The following ZNF716 variants were observed in gnomAD, a reference collection of about 807,000 sequenced individuals.
ZNF716 encodes the protein zinc finger protein 716.
Under a neutral mutation model 13.4 loss-of-function variants are expected in ZNF716, and 9 were observed. That is an observed-to-expected ratio of 0.67 (90% CI 0.41 to 1.18). The LOEUF is 1.18. Ranked by LOEUF, ZNF716 falls within the 50% of genes most tolerant of loss-of-function variation. ZNF716 has a pLI of 0.01. For synonymous variants in ZNF716, 186 were observed against 195.2 expected (o/e 0.95, Z 0.39); for missense variants, 581 against 576.6 (o/e 1.01, Z -0.08).
rs192220596 is a variant in ZNF716 at position 57,469,131 on chromosome 7, T to A, written c.670T>A (p.Cys224Ser). 6.2e-7 allele frequency: 1 copy of A among 1,609,942 alleles called. No homozygotes were observed. The highest frequency in any genetic ancestry group is 1.3e-5 in the African/African-American group (1 of 74,798). ...KCEECGKSFN[C>S]SSTLTRHKRI... The stretch of plus-strand genomic sequence containing the variant: ...TGAAGAATGTGGCAAATCCTTTAAC[T>A]GCTCTTCAACCCTTACTAGACATAA... Residue 224 changes from cysteine to serine, a missense_variant, in exon 4 of 4, where the codon TGC (cysteine) becomes AGC (serine). Cys to Ser is a moderately radical substitution (Grantham distance 112). Coordinates refer to ENST00000420713, the MANE Select transcript of ZNF716 (RefSeq NM_001159279.1).
Position 57,472,392 on chromosome 7 carries a change from C to T in ZNF716, c.*2443C>T, listed in dbSNP as rs139732952. On this transcript the variant is annotated 3_prime_UTR_variant, in exon 4 of 4. Transcript: ENST00000420713. ...TATCGTGTCTCATCTTAAGGTTCTG[C>T]GTAAAAGATGGTGACAATATACTAT... The T allele has an allele frequency of 6.6e-5, 10 of 152,178 alleles. No homozygotes were observed. Among genetic ancestry groups the T allele is most frequent in the Admixed American group, 2.6e-4 (4 of 15,258 alleles). 9.4% of individuals were successfully genotyped at this position (152,178 alleles called of 1,614,324 possible). A position where few individuals can be genotyped will look rare whatever the true frequency, so the allele number is the denominator to read the frequency against.
Position 57,469,598 on chromosome 7 carries a change from C to A in ZNF716, c.1137C>A (p.Pro379=), listed in dbSNP as rs547681926. 1.9e-6 allele frequency: 3 copies of A among 1,612,862 alleles called. No individual in the cohort carries two copies. Among genetic ancestry groups the A allele is most frequent in the Middle Eastern group, 1.7e-4 (1 of 6,052 alleles). The stretch of plus-strand genomic sequence containing the variant: ...AGAGGATTCATACTGGAGAGAAACC[C>A]TACACTTGTGAAGAATGTGGCAAAG... ...THKRIHTGEK[P]YTCEECGKAF... is the part of the protein sequence containing the mutation. Residue 379 remains proline (P), a synonymous_variant, in exon 4 of 4, where the codon CCC becomes CCA. Transcript: ENST00000420713.
At chr7:57,460,257 T>C (rs782007486) in intron 1 of ZNF716, among the ~76,000 whole-genome samples, 5 of 151,520 alleles carry the variant, frequency 3.3e-5, no homozygotes, top group African/African-American at 4.9e-5. Context: ...TAGCTGAGAG[T>C]GGTAGCATGC....
At position 57,473,527 on chromosome 7, in the gene ZNF716, A is replaced by AT. The variant is rs57002830; in HGVS notation, c.*3578_*3579insT. The AT allele has an allele frequency of 2.6e-5, 4 of 151,718 alleles. No individual in the cohort carries two copies. Among genetic ancestry groups the AT allele is most frequent in the African/African-American group, 9.7e-5 (4 of 41,374 alleles). The allele number at this position is 151,718 out of a possible 1,614,324, so 9.4% of individuals were successfully genotyped here. ...AGAGCGAGAAACCATCTCAAAAAAA[A>AT]AAATAAATAAATAAAAGATATACCT... On this transcript the variant is annotated 3_prime_UTR_variant, in exon 4 of 4. Coordinates refer to ENST00000420713, the MANE Select transcript of ZNF716 (RefSeq NM_001159279.1).
At chr7:57,454,480 T>C (rs1168212468) in intron 1 of ZNF716, among the ~76,000 whole-genome samples, 1 of 152,220 alleles carries the variant, frequency 6.6e-6, no homozygotes, top group Non-Finnish European at 1.5e-5. Flanking sequence ...AAGGAGATTA[T>C]TGAAGGCCTA....
intron 2 of ZNF716, among the ~76,000 whole-genome samples, chr7:57,462,858 G>A (rs576097953): frequency 6.6e-6 from 1 of 152,098 alleles, no homozygotes; most frequent in South Asian, 2.1e-4. Flanking sequence ...TTAGAATTCA[G>A]TTCCTACCAC....
chr7:57,463,199 A>G, intron 3 of ZNF716, 31 bp downstream of exon 3: 1 of 1,601,680 alleles, frequency 6.2e-7, no homozygotes, highest in Non-Finnish European at 8.5e-7. Context: ...CAGATGACAC[A>G]GATGAGAGTT....
chr7:57,457,422 G>A (rs184727272), intron 1 of ZNF716, among the ~76,000 whole-genome samples: 71 of 152,272 alleles, frequency 4.7e-4, no homozygotes, highest in African/African-American at 1.6e-3. Flanking sequence ...TTGGCTCACT[G>A]CAACTTCTGC....
intron 1 of ZNF716, among the ~76,000 whole-genome samples, chr7:57,451,563 T>C (rs190746217): frequency 0.013 from 1,920 of 148,546 alleles, 19 homozygotes; most frequent in Non-Finnish European, 0.021. Context: ...TTCGCCTGCC[T>C]CAGCCTCCTG....
In ZNF716 at chr7:57,450,791, C is replaced by T. The variant is rs906902921; in HGVS notation, c.39+464C>T. ...AAAGTGTGATTCAAGAATCTTAGAG[C>T]GCCCAGCTATGGTTTGTGGGTTGTG... On this transcript the variant is annotated intron_variant, in intron 1 of 3. Transcript: ENST00000420713. Among the ~76,000 whole-genome samples the T allele has an allele frequency of 1.1e-4, 17 of 152,022 alleles. 1 individual carries two copies. Among genetic ancestry groups the T allele is most frequent in the African/African-American group, 4.1e-4 (17 of 41,394 alleles).
chr7:57,450,412 C>T lies in ZNF716; in HGVS notation c.39+85C>T, dbSNP rs1272347942. 5 of 1,610,316 alleles carry T rather than the reference C, an allele frequency of 3.1e-6. No homozygotes were observed. In the African/African-American group the frequency reaches 5.3e-5, roughly 17 times the overall value. On this transcript the variant is annotated intron_variant, in intron 1 of 3. Transcript: ENST00000420713. ...GTGGCTGTAGCAGGACCCAAACTTCCTCGCAGTCAGCTCCGGAGTCTGAGG... is the reference window on the plus strand; with the variant it reads ...GTGGCTGTAGCAGGACCCAAACTTCTTCGCAGTCAGCTCCGGAGTCTGAGG...
At chr7:57,456,265 T>C (rs1221402836) in intron 1 of ZNF716, among the ~76,000 whole-genome samples, 3 of 152,184 alleles carry the variant, frequency 2.0e-5, no homozygotes, top group Admixed American at 6.5e-5. Context: ...CTGGGTTGCA[T>C]GTTTTATAGT....
chr7:57,464,257 G>A (rs1210471581), intron 3 of ZNF716, among the ~76,000 whole-genome samples: 3 of 151,574 alleles, frequency 2.0e-5, no homozygotes, highest in African/African-American at 4.8e-5. Context: ...GAGTAACTGG[G>A]TTTACAGGGA....
rs1469335373 is a variant in ZNF716, at chr7:57,468,149, G to C, written c.263-575G>C. ...TCTGCAATTTTGTATTTATTTTTCA[G>C]TTAAAAGACTTCTTCATGTTTCCTC... is the stretch of plus-strand genomic sequence containing the variant. On this transcript the variant is annotated intron_variant, in intron 3 of 3. Transcript: ENST00000420713. Among the ~76,000 whole-genome samples the C allele has an allele frequency of 3.3e-5, 5 of 152,144 alleles. No individual in the cohort carries two copies. The East Asian group carries it at 7.7e-4, about 24-fold the overall frequency.
intron 1 of ZNF716, 89 bp downstream of exon 1, chr7:57,450,416 C>A: frequency 6.2e-7 from 1 of 1,608,162 alleles, no homozygotes; most frequent in Non-Finnish European, 8.5e-7. Context: ...AACTTCCTCG[C>A]AGTCAGCTCC....
intron 3 of ZNF716, among the ~76,000 whole-genome samples, chr7:57,464,714 C>CT (rs34465678): frequency 0.38 from 58,307 of 151,696 alleles, 11,405 homozygotes; most frequent in East Asian, 0.51. Flanking sequence ...AGTTTCGTTA[C>CT]TTTTTTTTCA....
intron 3 of ZNF716, among the ~76,000 whole-genome samples, chr7:57,466,660 ACCAAAGAAATCTTT>A (rs1219941653): frequency 6.6e-6 from 1 of 152,150 alleles, no homozygotes; most frequent in Non-Finnish European, 1.5e-5. Context: ...TGAACAGTGA[ACCAAAGAAATCTTT>A]TTCTTTAGAA....
intron 3 of ZNF716, among the ~76,000 whole-genome samples, chr7:57,466,462 T>C (rs1164351054): frequency 1.3e-5 from 2 of 149,112 alleles, no homozygotes; most frequent in Non-Finnish European, 3.0e-5. Flanking sequence ...TTGGTAATCA[T>C]AGAGTTCTCA....
rs1351534497 is a variant in ZNF716, at chr7:57,471,171, C to G, written c.*1222C>G. ...GTGGCTCATGCCTGTAATCCCAGCA[C>G]TTTGGGAGCTCATGGCAGGTGGATC... On this transcript the variant is annotated 3_prime_UTR_variant, in exon 4 of 4. Coordinates refer to ENST00000420713, the MANE Select transcript of ZNF716 (RefSeq NM_001159279.1). 5.9e-5 allele frequency: 9 copies of G among 152,082 alleles called. No homozygotes were observed. Among genetic ancestry groups the G allele is most frequent in the African/African-American group, 2.2e-4 (9 of 41,410 alleles). 9.4% of individuals were successfully genotyped at this position (152,082 alleles called of 1,614,324 possible).
Sources: allele counts gnomAD v4.1 joint callset (sites outside exome capture counted in the v4.1 genomes callset), GRCh38; gene constraint gnomAD v4.1.1; transcripts MANE v1.5; gene names NCBI Gene and HGNC (gene_info 2026-07-23, HGNC 2026-07-21).